ALCAM: variants seen among roughly 807,000 people sequenced by gnomAD.
ALCAM encodes activated leukocyte cell adhesion molecule.
In ALCAM, 30 loss-of-function variants were observed where a neutral mutation model predicts 70.9. That is an observed-to-expected ratio of 0.42 (90% CI 0.32 to 0.57). ALCAM has a LOEUF of 0.57. Among genes scored for constraint, ALCAM ranks in the 20% least tolerant of loss-of-function variants. ALCAM has a pLI of 0.11. For synonymous variants in ALCAM, 249 were observed against 242.5 expected (o/e 1.03, Z -0.25); for missense variants, 591 against 695.1 (o/e 0.85, Z 1.68).
intron 1 of ALCAM, among the ~76,000 whole-genome samples, chr3:105,386,195 T>G (rs2107344119): frequency 6.6e-6 from 1 of 151,720 alleles, no homozygotes; most frequent in Middle Eastern, 3.4e-3. Flanking sequence ...TCTCAAATTC[T>G]GAAAAGGGAA....
At chr3:105,468,077 A>T (rs1474867663) in intron 1 of ALCAM, among the ~76,000 whole-genome samples, 1 of 151,248 alleles carries the variant, frequency 6.6e-6, no homozygotes, top group Non-Finnish European at 1.5e-5. Flanking sequence ...CATAATTATA[A>T]TATCATGTGC....
chr3:105,568,657 G>A (rs1193760605), intron 14 of ALCAM, among the ~76,000 whole-genome samples: 1 of 152,194 alleles, frequency 6.6e-6, no homozygotes, highest in African/African-American at 2.4e-5. Context: ...CCCTGTGGCT[G>A]TCTCCTTTCT....
chr3:105,392,905 T>A (rs184314958), intron 1 of ALCAM, among the ~76,000 whole-genome samples: 8 of 152,088 alleles, frequency 5.3e-5, no homozygotes, highest in African/African-American at 1.2e-4. Flanking sequence ...AGTTTCTTGA[T>A]CTTGAGTTCT....
intron 1 of ALCAM, among the ~76,000 whole-genome samples, chr3:105,487,070 T>C (rs1020774802): frequency 6.6e-6 from 1 of 151,998 alleles, no homozygotes; most frequent in Non-Finnish European, 1.5e-5. Flanking sequence ...ATCTACAAGC[T>C]CTATAAAAAG....
intron 1 of ALCAM, among the ~76,000 whole-genome samples, chr3:105,403,060 C>T (rs1936130459): frequency 6.6e-6 from 1 of 151,806 alleles, no homozygotes; most frequent in African/African-American, 2.4e-5. Flanking sequence ...GATACTCCTG[C>T]CTCAGCCTCC....
intron 3 of ALCAM, chr3:105,525,114 G>A: frequency 2.0e-6 from 2 of 979,286 alleles, no homozygotes; most frequent in Non-Finnish European, 2.4e-6. Flanking sequence ...TATTGATTTA[G>A]ATTTCAAAAA....
intron 1 of ALCAM, among the ~76,000 whole-genome samples, chr3:105,429,303 A>G (rs909031684): frequency 6.6e-6 from 1 of 151,942 alleles, no homozygotes; most frequent in Non-Finnish European, 1.5e-5. Flanking sequence ...AGGAATAAAA[A>G]TGAGAAGCAT....
intron 1 of ALCAM, among the ~76,000 whole-genome samples, chr3:105,487,979 C>A (rs7620022): frequency 0.56 from 85,829 of 151,912 alleles, 24,645 homozygotes; most frequent in African/African-American, 0.65. Flanking sequence ...AGTGGGACCC[C>A]ATGGGAGGTG....
intron 1 of ALCAM, among the ~76,000 whole-genome samples, chr3:105,435,563 G>C (rs767606280): frequency 1.3e-5 from 2 of 152,114 alleles, no homozygotes; most frequent in Non-Finnish European, 2.9e-5. Context: ...TCTTTTAGTA[G>C]CAAGTAATAA....
intron 12 of ALCAM, among the ~76,000 whole-genome samples, chr3:105,550,855 T>A (rs576727880): frequency 5.9e-4 from 90 of 151,686 alleles, no homozygotes; most frequent in Non-Finnish European, 1.0e-3. Context: ...TGTGGAAAAA[T>A]CTGTCGATGT....
chr3:105,399,359 T>C lies in ALCAM; in HGVS notation c.73+31878T>C, dbSNP rs145534686. 1.2e-3 allele frequency among the ~76,000 whole-genome samples: 180 copies of C among 152,256 alleles called. 1 individual carries two copies. The highest frequency in any genetic ancestry group is 5.4e-3 in the East Asian group (28 of 5,174). On this transcript the variant is annotated intron_variant, in intron 1 of 15. Transcript: ENST00000306107. The stretch of plus-strand genomic sequence containing the variant: ...ATTGTTGGTATATTTACAATACTCA[T>C]CTTTCCTTTTAAACTTTGTAAGTTT...
intron 1 of ALCAM, among the ~76,000 whole-genome samples, chr3:105,480,399 T>C (rs1938238849): frequency 6.6e-6 from 1 of 152,080 alleles, no homozygotes; most frequent in African/African-American, 2.4e-5. Context: ...ATTGCTGCTC[T>C]AGCTGGTGTT....
At chr3:105,480,535 A>G (rs1021585525) in intron 1 of ALCAM, among the ~76,000 whole-genome samples, 1 of 152,068 alleles carries the variant, frequency 6.6e-6, no homozygotes, top group Non-Finnish European at 1.5e-5. Context: ...AGAATTCTGC[A>G]CCTTTGACTC....
chr3:105,450,525 A>G (rs1395412409), intron 1 of ALCAM, among the ~76,000 whole-genome samples: 3 of 152,190 alleles, frequency 2.0e-5, no homozygotes, highest in African/African-American at 4.8e-5. Flanking sequence ...AGCAAAATAC[A>G]TATCAAACCA....
intron 2 of ALCAM, 21 bp downstream of exon 2, chr3:105,520,188 A>C: frequency 6.5e-7 from 1 of 1,526,918 alleles, no homozygotes. Flanking sequence ...CCTACCTGGG[A>C]CTTGGTTAAT....
chr3:105,433,873 T>C (rs1936991959), intron 1 of ALCAM, among the ~76,000 whole-genome samples: 2 of 151,710 alleles, frequency 1.3e-5, no homozygotes, highest in Non-Finnish European at 2.9e-5. Context: ...GGATTGAATC[T>C]ACCAATTAAA....
At chr3:105,547,042 A>G in intron 9 of ALCAM, 107 bp from the exon 10 acceptor site, 5 of 944,886 alleles carry the variant, frequency 5.3e-6, no homozygotes, top group Non-Finnish European at 7.4e-6. Context: ...AGAAGTTTGC[A>G]TTTATATTAT....
chr3:105,570,524 G>T (rs1417556332), intron 14 of ALCAM, among the ~76,000 whole-genome samples: 1 of 152,010 alleles, frequency 6.6e-6, no homozygotes, highest in Non-Finnish European at 1.5e-5. Flanking sequence ...AGCACAGAGA[G>T]GAAAAAGAAC....
chr3:105,467,219 T>C (rs1036223460), intron 1 of ALCAM, among the ~76,000 whole-genome samples: 1 of 151,302 alleles, frequency 6.6e-6, no homozygotes, highest in Non-Finnish European at 1.5e-5. Flanking sequence ...ATTAGTTTCT[T>C]TTTCATCATT....
Sources: allele counts gnomAD v4.1 joint callset (sites outside exome capture counted in the v4.1 genomes callset), GRCh38; gene constraint gnomAD v4.1.1; transcripts MANE v1.5; gene names NCBI Gene and HGNC (gene_info 2026-07-23, HGNC 2026-07-21).